Variants in CNTNAP2 observed in about 807,000 individuals in gnomAD.
CNTNAP2 encodes contactin-associated protein-like 2.
A neutral mutation model predicts 155.2 loss-of-function variants in CNTNAP2; 98 were observed. The observed-to-expected ratio is 0.63, with a 90% CI of 0.54 to 0.75. CNTNAP2 has a LOEUF of 0.75. CNTNAP2 is among the 30% of genes least tolerant of loss of function. CNTNAP2 has a pLI of 0.00. For synonymous variants in CNTNAP2, 651 were observed against 631.2 expected (o/e 1.03, Z -0.47); for missense variants, 1,727 against 1,688.1 (o/e 1.02, Z -0.40).
intron 11 of CNTNAP2, among the ~76,000 whole-genome samples, chr7:147,547,440 A>G (rs998848189): frequency 6.6e-6 from 1 of 151,996 alleles, no homozygotes; most frequent in Non-Finnish European, 1.5e-5. Context: ...TATTACATTC[A>G]ATCCCCTGGG....
At chr7:147,694,994 C>A (rs984209137) in intron 13 of CNTNAP2, among the ~76,000 whole-genome samples, 4 of 152,074 alleles carry the variant, frequency 2.6e-5, no homozygotes, top group African/African-American at 9.7e-5. Flanking sequence ...TCCCTCTAAG[C>A]ACTCCTTTCA....
At chr7:147,842,086 G>C (rs1221504381) in intron 13 of CNTNAP2, among the ~76,000 whole-genome samples, 2 of 152,146 alleles carry the variant, frequency 1.3e-5, no homozygotes, top group Non-Finnish European at 2.9e-5. Context: ...TGTTACACAG[G>C]TGCTTAATAT....
At chr7:148,165,206 G>A (rs1050870476) in intron 17 of CNTNAP2, among the ~76,000 whole-genome samples, 3 of 152,166 alleles carry the variant, frequency 2.0e-5, no homozygotes, top group African/African-American at 7.2e-5. Context: ...TCAGACTGCT[G>A]TCTTCTTGCC....
At chr7:146,126,693 A>G (rs1313418519) in intron 1 of CNTNAP2, among the ~76,000 whole-genome samples, 35 of 152,376 alleles carry the variant, frequency 2.3e-4, no homozygotes, top group Non-Finnish European at 2.9e-5. Flanking sequence ...TGTTTAATCT[A>G]TAAGCACAGT....
At chr7:148,034,759 G>A (rs1358964119) in intron 15 of CNTNAP2, among the ~76,000 whole-genome samples, 1 of 152,196 alleles carries the variant, frequency 6.6e-6, no homozygotes, top group Non-Finnish European at 1.5e-5. Context: ...GCATTGCTAT[G>A]AACAGAACAT....
intron 1 of CNTNAP2, among the ~76,000 whole-genome samples, chr7:146,189,008 T>A (rs181007787): frequency 1.3e-5 from 2 of 152,360 alleles, no homozygotes; most frequent in African/African-American, 4.8e-5. Flanking sequence ...CTAGTAATGA[T>A]GTGTTATAGT....
intron 8 of CNTNAP2, among the ~76,000 whole-genome samples, chr7:147,154,738 T>C (rs1243297534): frequency 2.6e-5 from 4 of 152,092 alleles, no homozygotes; most frequent in Non-Finnish European, 5.9e-5. Context: ...AATCAGCAAC[T>C]TCTAAAACTA....
intron 1 of CNTNAP2, among the ~76,000 whole-genome samples, chr7:146,760,384 C>G (rs1802073076): frequency 1.5e-5 from 2 of 134,998 alleles, no homozygotes; most frequent in South Asian, 5.0e-4. Context: ...TGCCTTCATT[C>G]ACCTCTGTAT....
intron 20 of CNTNAP2, among the ~76,000 whole-genome samples, chr7:148,257,992 T>C (rs919683668): frequency 6.6e-6 from 1 of 152,176 alleles, no homozygotes; most frequent in Non-Finnish European, 1.5e-5. Flanking sequence ...GCTCAGCCAG[T>C]GCTGACCCAT....
At chr7:146,135,224 A>T (rs1428957058) in intron 1 of CNTNAP2, among the ~76,000 whole-genome samples, 5 of 152,132 alleles carry the variant, frequency 3.3e-5, no homozygotes, top group African/African-American at 1.2e-4. Context: ...AGAAAATTTT[A>T]AAAATATATA....
intron 1 of CNTNAP2, among the ~76,000 whole-genome samples, chr7:146,163,467 A>G (rs1212693371): frequency 6.8e-6 from 1 of 147,086 alleles, no homozygotes; most frequent in Non-Finnish European, 1.5e-5. Flanking sequence ...ATCACATTAT[A>G]TATATCTATA....
chr7:147,163,998 G>A (rs1802075455), intron 8 of CNTNAP2, among the ~76,000 whole-genome samples: 1 of 152,140 alleles, frequency 6.6e-6, no homozygotes, highest in South Asian at 2.1e-4. Flanking sequence ...CACAACTAGA[G>A]AGATACATAT....
At chr7:147,636,438 T>A (rs7457159) in intron 12 of CNTNAP2, among the ~76,000 whole-genome samples, 2 of 151,286 alleles carry the variant, frequency 1.3e-5, no homozygotes, top group African/African-American at 2.5e-5. Flanking sequence ...TTTATTTTTT[T>A]ATTTTCCTTT....
At chr7:148,384,086 A>AAGTT (rs2116660308) in intron 22 of CNTNAP2, among the ~76,000 whole-genome samples, 198 bp downstream of exon 22, 1 of 152,322 alleles carries the variant, frequency 6.6e-6, no homozygotes, top group Non-Finnish European at 1.5e-5. Context: ...AGAAATAAAT[A>AAGTT]AGTTGAAGGT....
At chr7:147,263,042 G>A (rs1804527305) in intron 8 of CNTNAP2, among the ~76,000 whole-genome samples, 1 of 152,140 alleles carries the variant, frequency 6.6e-6, no homozygotes, top group Admixed American at 6.5e-5. Flanking sequence ...GCAATTAACT[G>A]AACATGGGAA....
At chr7:148,339,421 C>T (rs1798182469) in intron 21 of CNTNAP2, 1 of 152,332 alleles carries the variant, frequency 6.6e-6, no homozygotes, top group South Asian at 2.1e-4. Context: ...CAGCCTAGCG[C>T]TCCACCCCGG....
At chr7:146,631,396 G>T (rs1016605501) in intron 1 of CNTNAP2, among the ~76,000 whole-genome samples, 1 of 152,132 alleles carries the variant, frequency 6.6e-6, no homozygotes, top group African/African-American at 2.4e-5. Flanking sequence ...CCCATTTCAT[G>T]TCTGGGCACC....
rs1798735352 is a variant in CNTNAP2 at position 148,365,766 on chromosome 7, G to GTGTATACATGTATGTGTATGCA, written c.3476-17872_3476-17851dup. Reference sequence around the variant, plus strand: ...TACATGTATACATGTATGTGTATACGTGTATACATGTATGTGTATGCATGT... The same window carrying GTGTATACATGTATGTGTATGCA: ...TACATGTATACATGTATGTGTATACGTGTATACATGTATGTGTATGCATGTATACATGTATGTGTATGCATGT... On this transcript the variant is annotated intron_variant, in intron 21 of 23. Coordinates refer to ENST00000361727, the MANE Select transcript of CNTNAP2 (RefSeq NM_014141.6). Among the ~76,000 whole-genome samples, 3 of 57,914 alleles carry GTGTATACATGTATGTGTATGCA rather than the reference G, an allele frequency of 5.2e-5. 1 individual carries two copies. The highest frequency in any genetic ancestry group is 2.6e-4 in the African/African-American group (3 of 11,384). The allele number at this position is 57,914 out of a possible 152,430, so 38.0% of individuals were successfully genotyped here. A position where few individuals can be genotyped will look rare whatever the true frequency, so the allele number is the denominator to read the frequency against.
intron 16 of CNTNAP2, among the ~76,000 whole-genome samples, chr7:148,131,589 G>T (rs1439571164): frequency 1.1e-4 from 16 of 152,180 alleles, no homozygotes; most frequent in Admixed American, 9.8e-4. Context: ...ACGGAAGAAA[G>T]ATATGCTATT....
Sources: gnomAD v4.1 joint callset for allele counts (sites outside exome capture counted in the v4.1 genomes callset) on GRCh38, gnomAD v4.1.1 for gene constraint, MANE v1.5 for transcripts, NCBI Gene and HGNC (gene_info 2026-07-23, HGNC 2026-07-21) for gene names.